Variants in KPNA4 observed in about 807,000 individuals in gnomAD.
KPNA4 encodes the protein importin subunit alpha-3.
Under a neutral mutation model 71.3 loss-of-function variants are expected in KPNA4, and 13 were observed. The observed-to-expected ratio is 0.18, with a 90% CI of 0.12 to 0.29. KPNA4 has a LOEUF of 0.29. Ranked by LOEUF, KPNA4 falls within the 10% of genes least tolerant of loss-of-function variation. KPNA4 has a pLI of 1.00. For synonymous variants in KPNA4, 189 were observed against 195.2 expected, an observed-to-expected ratio of 0.97 and a Z score of 0.26; for missense variants, 334 against 603.2, an observed-to-expected ratio of 0.55 and a Z score of 4.67.
intron 11 of KPNA4, among the ~76,000 whole-genome samples, chr3:160,521,518 C>T (rs1404487522): frequency 6.6e-6 from 1 of 152,096 alleles, no homozygotes; most frequent in Non-Finnish European, 1.5e-5. Flanking sequence ...GGAGAATGTT[C>T]CTTGAACCTA....
At chr3:160,556,297 T>A (rs1722135978) in intron 1 of KPNA4, among the ~76,000 whole-genome samples, 1 of 152,234 alleles carries the variant, frequency 6.6e-6, no homozygotes, top group Non-Finnish European at 1.5e-5. Context: ...ACTGCCAAAC[T>A]GCATTCCAAA....
At chr3:160,508,416 C>T (rs1721028169) in intron 14 of KPNA4, 147 bp from the exon 15 acceptor site, 1 of 467,206 alleles carries the variant, frequency 2.1e-6, no homozygotes, top group Non-Finnish European at 3.6e-6. Flanking sequence ...CATTATTAAT[C>T]TAACCTCCTT....
chr3:160,534,525 C>G (rs1003628242), intron 5 of KPNA4, among the ~76,000 whole-genome samples: 1 of 151,386 alleles, frequency 6.6e-6, no homozygotes, highest in Non-Finnish European at 1.5e-5. Context: ...CAAGACCAGC[C>G]TGGCCAAGAT....
At chr3:160,518,129 GT>G (rs747779915) in intron 11 of KPNA4, among the ~76,000 whole-genome samples, 98 of 139,060 alleles carry the variant, frequency 7.0e-4, no homozygotes, top group South Asian at 3.6e-3. Flanking sequence ...TCTATTCTGA[GT>G]TTTTTTTTTT....
intron 1 of KPNA4, among the ~76,000 whole-genome samples, chr3:160,557,062 C>G (rs937964815): frequency 2.2e-4 from 33 of 152,108 alleles, no homozygotes; most frequent in African/African-American, 7.7e-4. Context: ...GGAACCAAAT[C>G]CTCTGCACTA....
At position 160,547,132 on chromosome 3, in the gene KPNA4, A is replaced by C. The variant is rs573328149; in HGVS notation, c.70-10292T>G. 2.0e-5 allele frequency among the ~76,000 whole-genome samples: 3 copies of C among 152,372 alleles called. No homozygotes were observed. The South Asian group carries it at 6.2e-4, about 32-fold the overall frequency. ...GATGAATTTAAAAAGTCCAACTATG[A>C]AATGTCAAATATACAAACAAATTTC... is the stretch of plus-strand genomic sequence containing the variant. On this transcript the variant is annotated intron_variant, in intron 1 of 16. Transcript: ENST00000334256.
chr3:160,541,453 A>C (rs1031939215), intron 1 of KPNA4, among the ~76,000 whole-genome samples: 1 of 152,092 alleles, frequency 6.6e-6, no homozygotes, highest in African/African-American at 2.4e-5. Flanking sequence ...CACTACCAAA[A>C]AAAAAAGAAA....
rs981371464 is a variant in KPNA4, at chr3:160,495,067, A to G, written c.*7037T>C. ...CTCATGGTACCTTCACGGTGTTTAC[A>G]GAACTTTGCTTATATGCCGACCTTG... is the stretch of plus-strand genomic sequence containing the variant. On this transcript the variant is annotated 3_prime_UTR_variant, in exon 17 of 17. Transcript: ENST00000334256. 2.0e-5 allele frequency: 3 copies of G among 152,244 alleles called. No individual in the cohort carries two copies. Among genetic ancestry groups the G allele is most frequent in the Non-Finnish European group, 4.4e-5 (3 of 68,044 alleles). 9.4% of individuals were successfully genotyped at this position (152,244 alleles called of 1,614,324 possible).
Position 160,565,199 on chromosome 3 carries a change from C to T in KPNA4, c.69+15G>A, listed in dbSNP as rs1301332234. On this transcript the variant is annotated intron_variant, in intron 1 of 16. Coordinates refer to ENST00000334256, the MANE Select transcript of KPNA4 (RefSeq NM_002268.5). ...CCCACAGCCCCCACCCCTCCGGCGTCGTCCCCGAGTTTACCTCCAAGTCGC... is the reference window on the plus strand; with the variant it reads ...CCCACAGCCCCCACCCCTCCGGCGTTGTCCCCGAGTTTACCTCCAAGTCGC... 2 of 1,600,464 alleles carry T rather than the reference C, an allele frequency of 1.2e-6. No individual in the cohort carries two copies. The highest frequency in any genetic ancestry group is 1.7e-6 in the Non-Finnish European group (2 of 1,172,534).
chr3:160,530,228 G>C (rs940279802), intron 7 of KPNA4, among the ~76,000 whole-genome samples: 1 of 151,972 alleles, frequency 6.6e-6, no homozygotes, highest in Non-Finnish European at 1.5e-5. Context: ...CAGCACACTG[G>C]GAGGCCAAAG....
At chr3:160,534,174 G>A (rs1721632496) in intron 5 of KPNA4, among the ~76,000 whole-genome samples, 1 of 152,164 alleles carries the variant, frequency 6.6e-6, no homozygotes, top group Non-Finnish European at 1.5e-5. Flanking sequence ...ACTGGATAAG[G>A]TATTGGATAG....
chr3:160,558,162 CAT>C (rs1342989370), intron 1 of KPNA4, among the ~76,000 whole-genome samples: 2 of 152,196 alleles, frequency 1.3e-5, no homozygotes, highest in East Asian at 1.9e-4. Context: ...CCACTTAAAA[CAT>C]AGGATTAAAG....
At chr3:160,562,425 TG>T (rs1722260745) in intron 1 of KPNA4, among the ~76,000 whole-genome samples, 1 of 152,206 alleles carries the variant, frequency 6.6e-6, no homozygotes, top group South Asian at 2.1e-4. Context: ...TCTCAGAATT[TG>T]CTGTATTCTA....
intron 1 of KPNA4, among the ~76,000 whole-genome samples, chr3:160,537,307 C>T (rs1368289857): frequency 6.6e-6 from 1 of 150,662 alleles, no homozygotes; most frequent in Non-Finnish European, 1.5e-5. Context: ...TTAGATTTAC[C>T]ATGATTCTGA....
chr3:160,541,261 T>C (rs185885379), intron 1 of KPNA4, among the ~76,000 whole-genome samples: 69 of 152,306 alleles, frequency 4.5e-4, no homozygotes, highest in Non-Finnish European at 1.8e-4. Flanking sequence ...CTGTACAATT[T>C]TGGATATTTT....
chr3:160,519,801 C>CAAAAAAAAAAAAAAAAA (rs558355699), intron 11 of KPNA4, among the ~76,000 whole-genome samples: 7 of 83,692 alleles, frequency 8.4e-5, no homozygotes, highest in Admixed American at 2.8e-4. Context: ...GACTCCGTCT[C>CAAAAAAAAAAAAAAAAA]AAAAAAAAAA....
At position 160,498,284 on chromosome 3, in the gene KPNA4, A is replaced by C. The variant is rs1720805553; in HGVS notation, c.*3820T>G. 1 of 152,226 alleles carries C rather than the reference A, an allele frequency of 6.6e-6. No homozygotes were observed. Among genetic ancestry groups the C allele is most frequent in the South Asian group, 2.1e-4 (1 of 4,834 alleles). 9.4% of individuals were successfully genotyped at this position (152,226 alleles called of 1,614,324 possible). A position where few individuals can be genotyped will look rare whatever the true frequency, so the allele number is the denominator to read the frequency against. On this transcript the variant is annotated 3_prime_UTR_variant, in exon 17 of 17. Transcript: ENST00000334256. ...GTTCTCAGAGGCAACCTTGATCCCCAAATAAGCTTGCTATGATAACTATAT... is the reference window on the plus strand; with the variant it reads ...GTTCTCAGAGGCAACCTTGATCCCCCAATAAGCTTGCTATGATAACTATAT...
At chr3:160,518,774 C>T (rs1419383447) in intron 11 of KPNA4, among the ~76,000 whole-genome samples, 1 of 151,828 alleles carries the variant, frequency 6.6e-6, no homozygotes, top group Non-Finnish European at 1.5e-5. Flanking sequence ...GGCAGGAGAA[C>T]TGCTTGAACC....
At chr3:160,552,593 C>T (rs1466267401) in intron 1 of KPNA4, among the ~76,000 whole-genome samples, 1 of 152,142 alleles carries the variant, frequency 6.6e-6, no homozygotes, top group Non-Finnish European at 1.5e-5. Context: ...AATATATCAT[C>T]AGTGCTCTTA....
Sources: gnomAD v4.1 joint callset for allele counts (sites outside exome capture counted in the v4.1 genomes callset) on GRCh38, gnomAD v4.1.1 for gene constraint, MANE v1.5 for transcripts, NCBI Gene and HGNC (gene_info 2026-07-23, HGNC 2026-07-21) for gene names.